The following MYLK4 variants were observed in gnomAD, a reference collection of about 807,000 sequenced individuals.
MYLK4 encodes the protein caMLCK like.
MYLK4 carries 46 observed loss-of-function variants against 48.1 expected under a neutral mutation model. The observed-to-expected ratio is 0.96, with a 90% CI of 0.75 to 1.22. The LOEUF is 1.22. MYLK4 is among the 50% of genes most tolerant of loss of function. MYLK4 has a pLI of 0.00. For synonymous variants in MYLK4, 170 were observed against 180.8 expected (o/e 0.94, Z 0.48); for missense variants, 451 against 486.1 (o/e 0.93, Z 0.68).
At chr6:2,674,991 T>C (rs1472005087) in intron 11 of MYLK4, 56 bp downstream of exon 11, 34 of 1,220,188 alleles carry the variant, frequency 2.8e-5, no homozygotes, top group Non-Finnish European at 3.9e-5. Context: ...CAGCATCTGA[T>C]CTTCAAAAGA....
the MYLK4 span, chr6:2,770,371 CAG>C: frequency 6.2e-7 from 1 of 1,613,918 alleles, no homozygotes; most frequent in East Asian, 2.2e-5. Flanking sequence ...AGTAAGTTGA[CAG>C]TGTGCAGCGT....
the MYLK4 span, chr6:2,765,650 C>A: frequency 6.5e-7 from 1 of 1,546,070 alleles, no homozygotes; most frequent in South Asian, 1.1e-5. Flanking sequence ...GGAAGACGAC[C>A]CCTTCCTTTC....
At chr6:2,705,638 T>G (rs1248325915) in intron 2 of MYLK4, among the ~76,000 whole-genome samples, 1 of 152,216 alleles carries the variant, frequency 6.6e-6, no homozygotes, top group Admixed American at 6.5e-5. Flanking sequence ...GCACTTTTTG[T>G]TGTTGTGTAA....
At chr6:2,735,386 G>GC (rs1247648367) in intron 2 of MYLK4, among the ~76,000 whole-genome samples, 1 of 2,758 alleles carries the variant, frequency 3.6e-4, no homozygotes, top group Non-Finnish European at 7.1e-3. Context: ...GAAGCTCTTG[G>GC]GAAAAATATA....
intron 2 of MYLK4, among the ~76,000 whole-genome samples, chr6:2,737,568 T>A (rs535284056): frequency 1.8e-4 from 28 of 152,222 alleles, no homozygotes; most frequent in African/African-American, 6.7e-4. Context: ...AGGAGAGATG[T>A]AAGATACATT....
intron 2 of MYLK4, among the ~76,000 whole-genome samples, chr6:2,722,041 C>T (rs1003096977): frequency 2.6e-5 from 4 of 152,184 alleles, no homozygotes; most frequent in Non-Finnish European, 5.9e-5. Flanking sequence ...AGATATCTAA[C>T]AGAGGTGATG....
the MYLK4 span, chr6:2,768,983 A>C: frequency 8.2e-7 from 1 of 1,223,710 alleles, no homozygotes; most frequent in Non-Finnish European, 1.1e-6. Context: ...AGCTTTGTTT[A>C]CAAAGAAGCG....
the MYLK4 span, among the ~76,000 whole-genome samples, chr6:2,759,983 A>C: frequency 3.9e-5 from 6 of 152,244 alleles, no homozygotes; most frequent in Non-Finnish European, 7.3e-5. Context: ...TGGATCAAAA[A>C]TTTGGGAAAA....
upstream of MYLK4, among the ~76,000 whole-genome samples, chr6:2,752,642 G>A (rs914039770): frequency 1.3e-5 from 2 of 152,142 alleles, no homozygotes; most frequent in African/African-American, 2.4e-5. Context: ...TCCATTAAAC[G>A]TTCAAGTTGA....
rs773858936 is a variant in MYLK4 at position 2,680,267 on chromosome 6, G to A, written c.712C>T (p.Arg238Trp). The A allele has an allele frequency of 3.1e-6, 5 of 1,614,034 alleles. No homozygotes were observed. The highest frequency in any genetic ancestry group is 2.2e-5 in the East Asian group (1 of 44,880). ...LKPENILCVN[R>W]DAKQIKIIDF... Reference sequence around the variant, plus strand: ...ATAATTTTTATTTGCTTAGCATCCCGATTCACACACAGGATATTCTCAGGC... The same window carrying A: ...ATAATTTTTATTTGCTTAGCATCCCAATTCACACACAGGATATTCTCAGGC... The change falls in exon 8 of 13, where the codon CGG becomes TGG. Residue 238 changes from arginine to tryptophan, a missense_variant. Physicochemically the swap from Arg to Trp is moderately radical, Grantham distance 101. Coordinates refer to ENST00000274643, the MANE Select transcript of MYLK4 (RefSeq NM_001012418.5).
intron 2 of MYLK4, among the ~76,000 whole-genome samples, chr6:2,714,760 T>C (rs1762807306): frequency 6.6e-6 from 1 of 152,210 alleles, no homozygotes; most frequent in Non-Finnish European, 1.5e-5. Flanking sequence ...ATACACACAA[T>C]AGAATATGAT....
At chr6:2,768,268 G>T in the MYLK4 span, among the ~76,000 whole-genome samples, 2 of 152,152 alleles carry the variant, frequency 1.3e-5, no homozygotes, top group African/African-American at 4.8e-5. Flanking sequence ...AGTTCGGGCT[G>T]TGGTTCTGCG....
intron 9 of MYLK4, 74 bp from the exon 10 acceptor site, chr6:2,678,446 G>A (rs1253728311): frequency 2.0e-6 from 3 of 1,506,934 alleles, no homozygotes; most frequent in Non-Finnish European, 2.7e-6. Context: ...TGCTTTTCTG[G>A]TTGTGCCATT....
intron 2 of MYLK4, among the ~76,000 whole-genome samples, chr6:2,747,746 A>G (rs1400642221): frequency 6.6e-6 from 1 of 152,206 alleles, no homozygotes. Context: ...ATTCATATAA[A>G]CTATTACAGT....
At chr6:2,681,420 G>C (rs1293368372) in intron 7 of MYLK4, among the ~76,000 whole-genome samples, 2 of 152,314 alleles carry the variant, frequency 1.3e-5, no homozygotes, top group East Asian at 3.9e-4. Context: ...AGAAGGGGGT[G>C]CTACGTGAAC....
chr6:2,744,489 A>G (rs578134388), intron 2 of MYLK4, among the ~76,000 whole-genome samples: 18 of 152,196 alleles, frequency 1.2e-4, no homozygotes, highest in Non-Finnish European at 2.2e-4. Context: ...CTCTGCCCTC[A>G]GCCTTGTTAT....
the MYLK4 span, among the ~76,000 whole-genome samples, chr6:2,755,984 T>C: frequency 6.6e-6 from 1 of 152,192 alleles, no homozygotes. Context: ...CTGATTAAGG[T>C]TGTGTCCACC....
chr6:2,760,900 A>G, the MYLK4 span, among the ~76,000 whole-genome samples: 1 of 152,222 alleles, frequency 6.6e-6, no homozygotes, highest in Non-Finnish European at 1.5e-5. Context: ...AGAGAGGAAC[A>G]TGAGTTTGGG....
At chr6:2,710,736 G>A (rs1171319538) in intron 2 of MYLK4, among the ~76,000 whole-genome samples, 4 of 152,300 alleles carry the variant, frequency 2.6e-5, no homozygotes, top group Non-Finnish European at 5.9e-5. Context: ...TGTGCTGCAA[G>A]AAACAAGACC....
Sources: gnomAD v4.1 joint callset for allele counts (sites outside exome capture counted in the v4.1 genomes callset) on GRCh38, gnomAD v4.1.1 for gene constraint, MANE v1.5 for transcripts, NCBI Gene and HGNC (gene_info 2026-07-23, HGNC 2026-07-21) for gene names.